ZNF570: variants seen among roughly 807,000 people sequenced by gnomAD.
The protein encoded by ZNF570 is zinc finger protein 570.
ZNF570 carries 8 observed loss-of-function variants against 14.2 expected under a neutral mutation model. The ratio of observed to expected loss-of-function variants is 0.56; its 90% CI spans 0.33 to 1.02. The LOEUF is 1.02. ZNF570 is among the 50% of genes least tolerant of loss of function. The pLI, the probability that ZNF570 is intolerant of heterozygous loss-of-function variation, is 0.03. For synonymous variants in ZNF570, 202 were observed against 207.6 expected (o/e 0.97, Z 0.23); for missense variants, 559 against 624.9 (o/e 0.89, Z 1.12).
chr19:37,469,194 G>A (rs932644167), upstream of ZNF570: 6 of 1,260,190 alleles, frequency 4.8e-6, no homozygotes, highest in South Asian at 1.1e-4. Context: ...AGGACCTGGT[G>A]GGGAGGAGGC....
intron 4 of ZNF570, among the ~76,000 whole-genome samples, chr19:37,477,521 T>C (rs2042041380): frequency 6.6e-6 from 1 of 151,728 alleles, no homozygotes; most frequent in African/African-American, 2.4e-5. Context: ...TTTGTATTTT[T>C]AGTAGAGACG....
chr19:37,471,914 AT>A (rs34142052), intron 2 of ZNF570, among the ~76,000 whole-genome samples: 37,817 of 133,240 alleles, frequency 0.28, 4,467 homozygotes, highest in Middle Eastern at 0.34. Context: ...TCAGACTACT[AT>A]TTTTTTTTTT....
Position 37,485,429 on chromosome 19 carries a change from A to G in ZNF570, c.*196A>G, listed in dbSNP as rs2042144997. 5.4e-6 allele frequency: 3 copies of G among 557,812 alleles called. No individual in the cohort carries two copies. The highest frequency in any genetic ancestry group is 8.7e-6 in the Non-Finnish European group (3 of 343,512). 34.6% of individuals were successfully genotyped at this position (557,812 alleles called of 1,614,324 possible). On this transcript the variant is annotated 3_prime_UTR_variant, in exon 5 of 5. Transcript: ENST00000330173. ...TTTTTTCTTTTTTTTTCTTTTTGAGACAATGTCTTGCTGTGTTGCCCAGGC... is the reference window on the plus strand; with the variant it reads ...TTTTTTCTTTTTTTTTCTTTTTGAGGCAATGTCTTGCTGTGTTGCCCAGGC...
At chr19:37,478,175 G>A (rs757282355) in intron 4 of ZNF570, among the ~76,000 whole-genome samples, 1 of 151,992 alleles carries the variant, frequency 6.6e-6, no homozygotes, top group African/African-American at 2.4e-5. Context: ...TATTTATTCT[G>A]TAATCAATTC....
rs1245595434 is a variant in ZNF570 at position 37,483,954 on chromosome 19, T to C, written c.332T>C (p.Ile111Thr). The change falls in exon 5 of 5, where the codon ATA (isoleucine) becomes ACA (threonine). Residue 111 changes from isoleucine to threonine, a missense_variant. Transcript: ENST00000330173. ...DFYEEHQSQK[I>T]IETLTSYNLE... is the part of the protein sequence containing the mutation. ...TATGAAGAACATCAATCCCAGAAGATAATAGAAACACTTACAAGCTATAAC... is the reference window on the plus strand; with the variant it reads ...TATGAAGAACATCAATCCCAGAAGACAATAGAAACACTTACAAGCTATAAC... 6.2e-7 allele frequency: 1 copy of C among 1,613,716 alleles called. No homozygotes were observed. The highest frequency in any genetic ancestry group is 1.3e-5 in the African/African-American group (1 of 74,920).
In ZNF570 at chr19:37,470,207, T is replaced by C. The variant is rs1161303390; in HGVS notation, c.-51-97T>C. 2.7e-6 allele frequency: 3 copies of C among 1,115,024 alleles called. No homozygotes were observed. The East Asian group carries it at 7.2e-5, about 27-fold the overall frequency. The allele number at this position is 1,115,024 out of a possible 1,614,324, so 69.1% of individuals were successfully genotyped here. ...TATGCTCTCTCTATTGGAGGGAAGG[T>C]TGCAAGAGGAGGAAAGAGAATCCTA... On this transcript the variant is annotated intron_variant, in intron 1 of 4. Coordinates refer to ENST00000330173, the MANE Select transcript of ZNF570 (RefSeq NM_144694.5).
At chr19:37,468,121 G>A, upstream of ZNF570, 1 of 614,102 alleles carries the variant, frequency 1.6e-6, no homozygotes. Flanking sequence ...GCCTCACTTT[G>A]TTGCCCAGGC....
rs1314215922 is a variant in ZNF570 at position 37,488,565 on chromosome 19, G to T, written c.*3332G>T. ...CAATTCTTAAAATTTGATAAAGCTG[G>T]CTGTGAGTATATGAGTCAGTTCTTA... On this transcript the variant is annotated 3_prime_UTR_variant, in exon 5 of 5. Coordinates refer to ENST00000330173, the MANE Select transcript of ZNF570 (RefSeq NM_144694.5). 2 of 151,978 alleles carry T rather than the reference G, an allele frequency of 1.3e-5. No homozygotes were observed. Among genetic ancestry groups the T allele is most frequent in the Non-Finnish European group, 2.9e-5 (2 of 67,982 alleles). 9.4% of individuals were successfully genotyped at this position (151,978 alleles called of 1,614,324 possible). A position where few individuals can be genotyped will look rare whatever the true frequency, so the allele number is the denominator to read the frequency against.
intron 4 of ZNF570, among the ~76,000 whole-genome samples, chr19:37,480,090 A>G (rs536176133): frequency 6.6e-6 from 1 of 152,296 alleles, no homozygotes; most frequent in African/African-American, 2.4e-5. Context: ...ATGTTTTACA[A>G]TCTATTTCTA....
At chr19:37,477,215 G>C (rs1406562118) in intron 4 of ZNF570, among the ~76,000 whole-genome samples, 1 of 151,428 alleles carries the variant, frequency 6.6e-6, no homozygotes, top group African/African-American at 2.4e-5. Context: ...GTTTATTGTT[G>C]TGGTGCGAGA....
intron 2 of ZNF570, 103 bp from the exon 3 acceptor site, chr19:37,475,778 C>T (rs2042016296): frequency 8.8e-7 from 1 of 1,134,442 alleles, no homozygotes; most frequent in South Asian, 1.7e-5. Flanking sequence ...AACATGGTTA[C>T]ATATTTGAGG....
At chr19:37,476,198 A>G in intron 3 of ZNF570, 141 bp from the exon 4 acceptor site, 1 of 1,259,096 alleles carries the variant, frequency 7.9e-7, no homozygotes, top group South Asian at 1.6e-5. Flanking sequence ...CATCTTCCTT[A>G]TCCTTCTAAT....
At chr19:37,475,804 G>C in intron 2 of ZNF570, 77 bp from the exon 3 acceptor site, 3 of 1,372,554 alleles carry the variant, frequency 2.2e-6, no homozygotes, top group South Asian at 1.5e-5. Flanking sequence ...ATATCAGAGA[G>C]AGCCCAGTGT....
At chr19:37,467,882 TCAGAGA>T, upstream of ZNF570, 1 of 1,536,128 alleles carries the variant, frequency 6.5e-7, no homozygotes, top group Non-Finnish European at 8.7e-7. Flanking sequence ...TGCAGTTTTG[TCAGAGA>T]CAATGTGCAT....
At chr19:37,483,661 A>G (rs1466703436) in intron 4 of ZNF570, among the ~76,000 whole-genome samples, 1 of 152,108 alleles carries the variant, frequency 6.6e-6, no homozygotes, top group Non-Finnish European at 1.5e-5. Flanking sequence ...CTGCCCTGAG[A>G]TTTACTGATT....
chr19:37,469,435 T>A lies in ZNF570; in HGVS notation c.-174T>A, dbSNP rs1031413152. On this transcript the variant is annotated 5_prime_UTR_variant, in exon 1 of 5. Coordinates refer to ENST00000330173, the MANE Select transcript of ZNF570 (RefSeq NM_144694.5). ...GACCCGAGTGCAGATTCCCCGAGCCTTCGGGGCAGGAAGGAGATCTTCCAC... is the reference window on the plus strand; with the variant it reads ...GACCCGAGTGCAGATTCCCCGAGCCATCGGGGCAGGAAGGAGATCTTCCAC... 1.3e-6 allele frequency: 2 copies of A among 1,534,470 alleles called. No homozygotes were observed. The highest frequency in any genetic ancestry group is 1.7e-6 in the Non-Finnish European group (2 of 1,145,632).
intron 3 of ZNF570, 109 bp downstream of exon 3, chr19:37,476,116 C>T: frequency 6.8e-7 from 1 of 1,462,170 alleles, no homozygotes; most frequent in South Asian, 1.4e-5. Context: ...ATGTCTGCTG[C>T]CTATGCCAAA....
intron 2 of ZNF570, among the ~76,000 whole-genome samples, chr19:37,473,418 G>A (rs971437045): frequency 2.0e-5 from 3 of 152,098 alleles, no homozygotes; most frequent in Non-Finnish European, 4.4e-5. Context: ...TATAACAGGT[G>A]GTTGTGCTGG....
chr19:37,471,186 T>C (rs558771230), intron 2 of ZNF570, among the ~76,000 whole-genome samples: 2 of 151,502 alleles, frequency 1.3e-5, no homozygotes, highest in Non-Finnish European at 2.9e-5. Context: ...GCTAATTTTT[T>C]GTATTTTTAG....
Sources: allele counts gnomAD v4.1 joint callset (sites outside exome capture counted in the v4.1 genomes callset), GRCh38; gene constraint gnomAD v4.1.1; transcripts MANE v1.5; gene names NCBI Gene and HGNC (gene_info 2026-07-23, HGNC 2026-07-21).